The following DIP2C variants were observed in gnomAD, a reference collection of about 807,000 sequenced individuals.
The protein encoded by DIP2C is DIP2 acetate--CoA ligase C (putative), also known as disco-interacting protein 2 homolog C.
Under a neutral mutation model 192.4 loss-of-function variants are expected in DIP2C, and 33 were observed. That is an observed-to-expected ratio of 0.17 (90% CI 0.13 to 0.23). The LOEUF (loss-of-function observed/expected upper bound fraction) is 0.23, where lower values mean the gene tolerates loss of function less well. Among genes scored for constraint, DIP2C ranks in the 10% least tolerant of loss-of-function variants. The pLI, the probability that DIP2C is intolerant of heterozygous loss-of-function variation, is 1.00. For synonymous variants in DIP2C, 979 were observed against 864.1 expected (o/e 1.13, Z -2.33); for missense variants, 1,537 against 2,110.1 (o/e 0.73, Z 5.32).
chr10:543,595 TTG>T (rs1848120844), intron 1 of DIP2C, among the ~76,000 whole-genome samples: 1 of 152,216 alleles, frequency 6.6e-6, no homozygotes, highest in African/African-American at 2.4e-5. Flanking sequence ...GTATGGATCG[TTG>T]TGTCTCCTAG....
At chr10:515,792 G>T (rs1474509090) in intron 1 of DIP2C, among the ~76,000 whole-genome samples, 1 of 151,976 alleles carries the variant, frequency 6.6e-6, no homozygotes, top group East Asian at 1.9e-4. Flanking sequence ...CCCAACCCAA[G>T]CAATCACACG....
chr10:355,082 C>G (rs1959011933), intron 24 of DIP2C, among the ~76,000 whole-genome samples: 1 of 152,102 alleles, frequency 6.6e-6, no homozygotes, highest in Admixed American at 6.6e-5. Flanking sequence ...CACAGCAACT[C>G]CAGTCCTCAA....
chr10:307,020 G>A (rs1314248481), intron 32 of DIP2C, among the ~76,000 whole-genome samples: 4 of 152,088 alleles, frequency 2.6e-5, no homozygotes, highest in African/African-American at 7.2e-5. Context: ...ACCAGCTCCC[G>A]GGAGAGCCGG....
intron 31 of DIP2C, among the ~76,000 whole-genome samples, chr10:326,371 G>C (rs1957272405): frequency 6.6e-6 from 1 of 152,114 alleles, no homozygotes; most frequent in Non-Finnish European, 1.5e-5. Flanking sequence ...CAATCACTCT[G>C]GGATCACAAG....
At chr10:633,083 G>A (rs1255592337) in intron 1 of DIP2C, among the ~76,000 whole-genome samples, 1 of 152,268 alleles carries the variant, frequency 6.6e-6, no homozygotes, top group East Asian at 1.9e-4. Flanking sequence ...GAACTGAGGA[G>A]GATGAGGACG....
chr10:514,201 C>T (rs1442463705), intron 1 of DIP2C, among the ~76,000 whole-genome samples: 1 of 145,644 alleles, frequency 6.9e-6, no homozygotes, highest in Admixed American at 6.6e-5. Context: ...GAAGAACCAC[C>T]CCCCTTCCTT....
Position 644,417 on chromosome 10 carries a change from C to T in DIP2C, c.85+45077G>A, listed in dbSNP as rs73574403. On this transcript the variant is annotated intron_variant, in intron 1 of 36. Coordinates refer to ENST00000280886, the MANE Select transcript of DIP2C (RefSeq NM_014974.3). ...CCAACCCTCTGGATAATAGTTGAGA[C>T]GTATTTTAGAGAAGGAAACGATCCC... Among the ~76,000 whole-genome samples, 942 of 152,370 alleles carry T rather than the reference C, an allele frequency of 6.2e-3. 9 individuals carry two copies. Among genetic ancestry groups the T allele is most frequent in the African/African-American group, 0.022 (896 of 41,592 alleles).
chr10:611,948 A>G (rs941467718), intron 1 of DIP2C, among the ~76,000 whole-genome samples: 3 of 151,604 alleles, frequency 2.0e-5, no homozygotes, highest in Non-Finnish European at 4.4e-5. Context: ...TAAGCTCTTT[A>G]ATTTCAAGAT....
At chr10:420,248 C>G (rs889477718) in intron 5 of DIP2C, among the ~76,000 whole-genome samples, 29 of 152,342 alleles carry the variant, frequency 1.9e-4, no homozygotes, top group African/African-American at 6.5e-4. Context: ...AAGATCGAGG[C>G]ACAGAAGAGG....
intron 1 of DIP2C, among the ~76,000 whole-genome samples, chr10:679,420 C>T (rs1267131611): frequency 5.4e-5 from 4 of 74,216 alleles, no homozygotes; most frequent in African/African-American, 1.1e-4. Context: ...CCAGGCTCCC[C>T]GCGCCCATCT....
At chr10:571,120 G>T (rs1390821167) in intron 1 of DIP2C, among the ~76,000 whole-genome samples, 1 of 152,232 alleles carries the variant, frequency 6.6e-6, no homozygotes, top group East Asian at 1.9e-4. Flanking sequence ...ATGGAGACAT[G>T]TGAGGAATCC....
At chr10:366,053 C>T (rs1317335293) in intron 19 of DIP2C, among the ~76,000 whole-genome samples, 3 of 152,222 alleles carry the variant, frequency 2.0e-5, no homozygotes, top group Non-Finnish European at 4.4e-5. Context: ...CTTTTTAAAG[C>T]ATGCTTATTC....
At chr10:454,524 A>C (rs75027299) in intron 3 of DIP2C, among the ~76,000 whole-genome samples, 3,417 of 118,164 alleles carry the variant, frequency 0.029, 26 homozygotes, top group African/African-American at 0.16. Context: ...ATCAGCACCT[A>C]TCAAACCCCT....
chr10:457,945 G>A (rs1589839225), intron 3 of DIP2C, among the ~76,000 whole-genome samples: 1 of 152,228 alleles, frequency 6.6e-6, no homozygotes, highest in Non-Finnish European at 1.5e-5. Flanking sequence ...CCCCAGAGCA[G>A]CACGTGATGG....
intron 1 of DIP2C, among the ~76,000 whole-genome samples, chr10:635,433 C>T (rs1356174702): frequency 6.6e-6 from 1 of 152,234 alleles, no homozygotes; most frequent in Non-Finnish European, 1.5e-5. Context: ...TGTACAGAGA[C>T]CAGGGACTGG....
At chr10:536,259 T>C (rs532854912) in intron 1 of DIP2C, among the ~76,000 whole-genome samples, 1 of 152,274 alleles carries the variant, frequency 6.6e-6, no homozygotes, top group South Asian at 2.1e-4. Flanking sequence ...GTCTCAAATT[T>C]CCCTTTCCTC....
intron 2 of DIP2C, among the ~76,000 whole-genome samples, chr10:476,104 GGA>G (rs1408517165): frequency 6.6e-6 from 1 of 152,216 alleles, no homozygotes; most frequent in African/African-American, 2.4e-5. Flanking sequence ...CGTGGTCAGG[GGA>G]GAGAGGCCGG....
At chr10:531,367 G>A (rs1397262887) in intron 1 of DIP2C, among the ~76,000 whole-genome samples, 1 of 151,868 alleles carries the variant, frequency 6.6e-6, no homozygotes, top group African/African-American at 2.4e-5. Flanking sequence ...CCCTCCTGAG[G>A]GGCGTGTGCT....
chr10:284,761 A>G (rs118099662), intron 34 of DIP2C, among the ~76,000 whole-genome samples: 1,661 of 152,284 alleles, frequency 0.011, 15 homozygotes, highest in Non-Finnish European at 0.018. Context: ...CACACACACA[A>G]TGTGAGCTGA....
Sources: allele counts gnomAD v4.1 joint callset (sites outside exome capture counted in the v4.1 genomes callset), GRCh38; gene constraint gnomAD v4.1.1; transcripts MANE v1.5; gene names NCBI Gene and HGNC (gene_info 2026-07-23, HGNC 2026-07-21).